Variants in ZDHHC21 observed in about 807,000 individuals in gnomAD.
The protein encoded by ZDHHC21 is zDHHC palmitoyltransferase 21.
ZDHHC21 carries 15 observed loss-of-function variants against 34.6 expected under a neutral mutation model. The observed-to-expected ratio is 0.43, with a 90% CI of 0.29 to 0.67. The LOEUF (loss-of-function observed/expected upper bound fraction) is 0.67. ZDHHC21 is among the 30% of genes least tolerant of loss of function. The probability of loss-of-function intolerance (pLI) is 0.14; values close to 1 mark genes in which losing one functional copy is unlikely to be tolerated. For synonymous variants in ZDHHC21, 142 were observed against 101.8 expected (o/e 1.40, Z -2.38); for missense variants, 344 against 327.7 (o/e 1.05, Z -0.38).
chr9:14,629,164 G>A (rs1233706352), intron 8 of ZDHHC21, among the ~76,000 whole-genome samples: 1 of 152,138 alleles, frequency 6.6e-6, no homozygotes, highest in Non-Finnish European at 1.5e-5. Context: ...AGGTGTAATT[G>A]CTATAGATAC....
the ZDHHC21 span, among the ~76,000 whole-genome samples, chr9:14,597,817 A>T: frequency 1.3e-5 from 2 of 152,080 alleles, no homozygotes; most frequent in Non-Finnish European, 2.9e-5. Context: ...ACCTGTGCCT[A>T]CCTTCTGGGG....
At chr9:14,651,602 A>G (rs929053328) in intron 7 of ZDHHC21, among the ~76,000 whole-genome samples, 13 of 151,940 alleles carry the variant, frequency 8.6e-5, no homozygotes, top group Non-Finnish European at 8.8e-5. Flanking sequence ...ATCCAGAATA[A>G]TATAAAAAGA....
At chr9:14,600,276 TCTC>T in the ZDHHC21 span, among the ~76,000 whole-genome samples, 1 of 152,136 alleles carries the variant, frequency 6.6e-6, no homozygotes, top group Non-Finnish European at 1.5e-5. Context: ...CAGCCCAACA[TCTC>T]CTTAAGCTGA....
At chr9:14,650,629 C>G (rs749046280) in intron 7 of ZDHHC21, among the ~76,000 whole-genome samples, 2 of 151,896 alleles carry the variant, frequency 1.3e-5, no homozygotes, top group Non-Finnish European at 1.5e-5. Flanking sequence ...TACAAATATT[C>G]AAAGCTACCT....
intron 2 of ZDHHC21, among the ~76,000 whole-genome samples, chr9:14,681,306 G>A (rs2131605898): frequency 6.6e-6 from 1 of 152,228 alleles, no homozygotes; most frequent in Admixed American, 6.5e-5. Context: ...TGCGATCCTA[G>A]CACACTGGGC....
At chr9:14,679,271 G>A (rs1264244879) in intron 3 of ZDHHC21, among the ~76,000 whole-genome samples, 1 of 152,094 alleles carries the variant, frequency 6.6e-6, no homozygotes, top group African/African-American at 2.4e-5. Flanking sequence ...ATAACATAGT[G>A]GACAGAAAGA....
the ZDHHC21 span, among the ~76,000 whole-genome samples, chr9:14,593,015 C>A: frequency 6.6e-6 from 1 of 151,874 alleles, no homozygotes; most frequent in East Asian, 1.9e-4. Context: ...TAAAGTAGTA[C>A]AGGGAGGGCA....
intron 2 of ZDHHC21, among the ~76,000 whole-genome samples, chr9:14,680,772 C>T (rs762295686): frequency 6.6e-6 from 1 of 152,166 alleles, no homozygotes. Flanking sequence ...GAGGCTCTAT[C>T]TTCAATGGAG....
At chr9:14,676,709 A>G (rs529125000) in intron 3 of ZDHHC21, among the ~76,000 whole-genome samples, 1 of 152,100 alleles carries the variant, frequency 6.6e-6, no homozygotes, top group East Asian at 1.9e-4. Flanking sequence ...CAGACAGGAT[A>G]AAGCATGCTA....
chr9:14,635,869 T>A (rs943997071), intron 8 of ZDHHC21, among the ~76,000 whole-genome samples: 12 of 152,046 alleles, frequency 7.9e-5, no homozygotes, highest in Non-Finnish European at 1.6e-4. Flanking sequence ...TCAATTTTTT[T>A]ATAAAAAATT....
At chr9:14,668,454 C>A (rs1834882146) in intron 5 of ZDHHC21, among the ~76,000 whole-genome samples, 1 of 59,190 alleles carries the variant, frequency 1.7e-5, no homozygotes, top group Non-Finnish European at 3.3e-5. Flanking sequence ...TCAATGCCAT[C>A]CCCATCAAGC....
intron 8 of ZDHHC21, chr9:14,622,463 T>G (rs937740807): frequency 2.2e-6 from 2 of 919,822 alleles, no homozygotes; most frequent in Admixed American, 6.5e-5. Flanking sequence ...CTTGGCTTGA[T>G]GTTAGGAAAA....
At chr9:14,675,224 C>G (rs926117560) in intron 3 of ZDHHC21, among the ~76,000 whole-genome samples, 10 of 151,292 alleles carry the variant, frequency 6.6e-5, no homozygotes, top group Non-Finnish European at 7.4e-5. Context: ...AATATGGTAC[C>G]AAAAAAGTGA....
At chr9:14,654,911 G>A (rs1373763515) in intron 7 of ZDHHC21, among the ~76,000 whole-genome samples, 3 of 151,928 alleles carry the variant, frequency 2.0e-5, no homozygotes, top group Non-Finnish European at 2.9e-5. Context: ...TCCCAGAACT[G>A]CAGGAGAAAA....
chr9:14,646,410 G>T (rs117893954), intron 7 of ZDHHC21, among the ~76,000 whole-genome samples: 4,813 of 152,070 alleles, frequency 0.032, 101 homozygotes, highest in Non-Finnish European at 0.047. Flanking sequence ...ATTAATTTTA[G>T]AAAACCAAAC....
chr9:14,636,696 G>C (rs562355112), intron 8 of ZDHHC21, among the ~76,000 whole-genome samples: 1 of 152,002 alleles, frequency 6.6e-6, no homozygotes, highest in Non-Finnish European at 1.5e-5. Flanking sequence ...AATCTAAATT[G>C]TATCAAGTAT....
At chr9:14,619,241 T>C (rs1824825030) in intron 9 of ZDHHC21, 143 bp from the exon 10 acceptor site, 2 of 927,740 alleles carry the variant, frequency 2.2e-6, no homozygotes, top group Admixed American at 3.5e-5. Flanking sequence ...TTTCTTTCAT[T>C]ATGGCATGCA....
intron 8 of ZDHHC21, among the ~76,000 whole-genome samples, chr9:14,629,380 A>G (rs1331506366): frequency 3.3e-5 from 5 of 152,204 alleles, no homozygotes; most frequent in Admixed American, 2.6e-4. Flanking sequence ...ACATGTTGAT[A>G]GAAGGGAAGA....
At chr9:14,680,482 C>T (rs1253284578) in intron 2 of ZDHHC21, among the ~76,000 whole-genome samples, 2 of 152,068 alleles carry the variant, frequency 1.3e-5, no homozygotes, top group Non-Finnish European at 2.9e-5. Context: ...CCACAAATCA[C>T]AAAATAACGA....
Sources: allele counts gnomAD v4.1 joint callset (sites outside exome capture counted in the v4.1 genomes callset), GRCh38; gene constraint gnomAD v4.1.1; transcripts MANE v1.5; gene names NCBI Gene and HGNC (gene_info 2026-07-23, HGNC 2026-07-21).